The following UBASH3A variants were observed in gnomAD, a reference collection of about 807,000 sequenced individuals.
UBASH3A encodes the protein ubiquitin-associated and SH3 domain-containing protein A.
UBASH3A carries 63 observed loss-of-function variants against 73.5 expected under a neutral mutation model. The ratio of observed to expected loss-of-function variants is 0.86; its 90% confidence interval spans 0.70 to 1.06. The LOEUF (loss-of-function observed/expected upper bound fraction) is 1.06, where lower values mean the gene tolerates loss of function less well. UBASH3A is among the 50% of genes least tolerant of loss of function. The probability of loss-of-function intolerance (pLI) is 0.00; values close to 1 mark genes in which losing one functional copy is unlikely to be tolerated. For synonymous variants in UBASH3A, 363 were observed against 351.1 expected (o/e 1.03, Z -0.38); for missense variants, 860 against 859.0 (o/e 1.00, Z -0.02).
At chr21:42,418,687 G>A in intron 7 of UBASH3A, 78 bp downstream of exon 7, 1 of 1,347,750 alleles carries the variant, frequency 7.4e-7, no homozygotes. Flanking sequence ...CCAACAGTGT[G>A]CTTCTAGACC....
At chr21:42,439,882 C>G (rs141361478) in intron 11 of UBASH3A, among the ~76,000 whole-genome samples, 1 of 142,934 alleles carries the variant, frequency 7.0e-6, no homozygotes, top group Admixed American at 7.0e-5. Context: ...ATACAACACG[C>G]TGAACACACA....
chr21:42,445,161 C>T (rs1446577426), intron 14 of UBASH3A, among the ~76,000 whole-genome samples: 3 of 152,342 alleles, frequency 2.0e-5, no homozygotes, highest in Admixed American at 2.0e-4. Context: ...GCACACGTGA[C>T]ATCTTGGACA....
At chr21:42,415,906 G>A in intron 5 of UBASH3A, among the ~76,000 whole-genome samples, 1 of 152,180 alleles carries the variant, frequency 6.6e-6, no homozygotes, top group East Asian at 1.9e-4. Context: ...TGACCTGAGA[G>A]CCCCTGGCAG....
rs1396357230 is a variant in UBASH3A, at chr21:42,442,458, A to T, written c.1493A>T (p.Lys498Ile). ...QTAKLILEELKLEKKIKIRVE... is the reference protein window; with the variant it reads ...QTAKLILEELILEKKIKIRVE... ...TGTATTCTGTTGAATCCAGAACTCAAACTGGAGAAAAAAATCAAGATACGA... is the reference window on the plus strand; with the variant it reads ...TGTATTCTGTTGAATCCAGAACTCATACTGGAGAAAAAAATCAAGATACGA... The change falls in exon 12 of 15, where the codon AAA becomes ATA. Residue 498 changes from lysine (K) to isoleucine (I), a missense_variant. Physicochemically the swap from Lys to Ile is moderately radical, Grantham distance 102. Coordinates refer to ENST00000319294, the MANE Select transcript of UBASH3A (RefSeq NM_018961.4). The T allele has an allele frequency of 1.2e-6, 2 of 1,613,784 alleles. No homozygotes were observed. Among genetic ancestry groups the T allele is most frequent in the Non-Finnish European group, 1.7e-6 (2 of 1,179,916 alleles).
At chr21:42,426,203 AC>A (rs2053431919) in intron 7 of UBASH3A, among the ~76,000 whole-genome samples, 1 of 152,042 alleles carries the variant, frequency 6.6e-6, no homozygotes, top group Non-Finnish European at 1.5e-5. Context: ...GTTGGATGAG[AC>A]CCACTCACAG....
In UBASH3A at chr21:42,409,536, G is replaced by C. The variant is rs535294130; in HGVS notation, c.282G>C (p.Glu94Asp). 10 of 1,614,154 alleles carry C rather than the reference G, an allele frequency of 6.2e-6. No individual in the cohort carries two copies. Among genetic ancestry groups the C allele is most frequent in the Middle Eastern group, 1.6e-4 (1 of 6,062 alleles). The change falls in exon 3 of 15, where the codon GAG becomes GAC. Residue 94 changes from glutamate to aspartate, a missense_variant. Glu to Asp is a conservative substitution (Grantham distance 45). Transcript: ENST00000319294. ...LLEKLQEFWRESKRQCAKNRA... is the reference protein window; with the variant it reads ...LLEKLQEFWRDSKRQCAKNRA... ...AAAAACTTCAAGAGTTCTGGAGAGA[G>C]AGCAAGCGCCAGTGTGCAAAGAACA...
chr21:42,415,453 C>T, intron 5 of UBASH3A, among the ~76,000 whole-genome samples: 1 of 152,202 alleles, frequency 6.6e-6, no homozygotes, highest in Admixed American at 6.5e-5. Flanking sequence ...GCTCACCTCT[C>T]ACGTGGGAGA....
Position 42,416,569 on chromosome 21 carries a change from C to A in UBASH3A, c.795C>A (p.Thr265=). ...CCCTGGGCCACAGCTGCCAGTGGAC[C>A]GCAGCACTCTACTCCCGAGACATGC... ...AIPLGHSCQW[T]AALYSRDMRF... The change falls in exon 6 of 15, where the codon ACC becomes ACA. Residue 265 remains threonine (T), a synonymous_variant. Coordinates refer to ENST00000319294, the MANE Select transcript of UBASH3A (RefSeq NM_018961.4). The A allele has an allele frequency of 1.2e-6, 2 of 1,608,040 alleles. No homozygotes were observed. The highest frequency in any genetic ancestry group is 1.7e-6 in the Non-Finnish European group (2 of 1,177,490).
intron 9 of UBASH3A, 36 bp downstream of exon 9, chr21:42,432,238 A>G (rs2053545054): frequency 7.2e-7 from 1 of 1,395,968 alleles, no homozygotes; most frequent in East Asian, 2.3e-5. Flanking sequence ...GGACAGAAAC[A>G]CTGTAGATCT....
At chr21:42,420,700 C>T (rs2053321184) in intron 7 of UBASH3A, among the ~76,000 whole-genome samples, 1 of 152,116 alleles carries the variant, frequency 6.6e-6, no homozygotes, top group Admixed American at 6.5e-5. Flanking sequence ...GAAGGACCAC[C>T]CGGGTGATGG....
chr21:42,445,785 A>ACATTTC (rs1601609931), intron 14 of UBASH3A, among the ~76,000 whole-genome samples: 1 of 152,234 alleles, frequency 6.6e-6, no homozygotes, highest in East Asian at 1.9e-4. Context: ...TATGATCCAG[A>ACATTTC]CATTTCCGAG....
chr21:42,426,805 C>G lies in UBASH3A; in HGVS notation c.1155C>G (p.Ser385Arg). ...FLPQTARSLS[S>R]LQALQATVAR... Reference sequence around the variant, plus strand: ...CACAAACGGCAAGGAGTCTTAGCAGCTTACAGGCCTTGCAGGTAATAGAAC... The same window carrying G: ...CACAAACGGCAAGGAGTCTTAGCAGGTTACAGGCCTTGCAGGTAATAGAAC... Residue 385 changes from serine (S) to arginine (R), a missense_variant, in exon 8 of 15, where the codon AGC becomes AGG. Physicochemically the swap from Ser to Arg is moderately radical, Grantham distance 110 (BLOSUM62 -1). Transcript: ENST00000319294. 6.2e-7 allele frequency: 1 copy of G among 1,614,026 alleles called. No homozygotes were observed. Among genetic ancestry groups the G allele is most frequent in the South Asian group, 1.1e-5 (1 of 91,060 alleles).
intron 8 of UBASH3A, among the ~76,000 whole-genome samples, chr21:42,427,746 G>A (rs575119864): frequency 6.6e-6 from 1 of 152,278 alleles, no homozygotes; most frequent in South Asian, 2.1e-4. Context: ...TGCCCAGAGG[G>A]TGGGGTCACA....
At chr21:42,422,095 A>G (rs560119664) in intron 7 of UBASH3A, among the ~76,000 whole-genome samples, 1 of 152,188 alleles carries the variant, frequency 6.6e-6, no homozygotes. Flanking sequence ...CCCACTAAAC[A>G]TAATAGCCAC....
chr21:42,423,411 A>G (rs1316169325), intron 7 of UBASH3A, among the ~76,000 whole-genome samples: 1 of 152,210 alleles, frequency 6.6e-6, no homozygotes, highest in African/African-American at 2.4e-5. Flanking sequence ...ACGTTGTACA[A>G]TCAAGGAAGC....
At chr21:42,415,059 G>A (rs553315490) in intron 5 of UBASH3A, among the ~76,000 whole-genome samples, 1 of 152,326 alleles carries the variant, frequency 6.6e-6, no homozygotes, top group South Asian at 2.1e-4. Flanking sequence ...TCAGTGATGA[G>A]TGACCAGTCA....
intron 11 of UBASH3A, among the ~76,000 whole-genome samples, chr21:42,438,494 A>C (rs1171674506): frequency 6.6e-6 from 1 of 152,148 alleles, no homozygotes; most frequent in Non-Finnish European, 1.5e-5. Context: ...GCATGAGTTT[A>C]AATGGAGATG....
intron 11 of UBASH3A, among the ~76,000 whole-genome samples, chr21:42,438,514 G>A (rs1051461936): frequency 2.0e-5 from 3 of 152,264 alleles, no homozygotes; most frequent in East Asian, 3.9e-4. Flanking sequence ...GCATCAGCCG[G>A]GCTAGGGGGT....
At position 42,413,566 on chromosome 21, in the gene UBASH3A, T is replaced by C; in HGVS notation, c.667+43T>C. The C allele has an allele frequency of 2.1e-6, 3 of 1,428,652 alleles. No homozygotes were observed. The highest frequency in any genetic ancestry group is 2.9e-6 in the Non-Finnish European group (3 of 1,019,394). The allele number at this position is 1,428,652 out of a possible 1,614,324, so 88.5% of individuals were successfully genotyped here. ...TTCCGGACCAGCTTTGGTCTTCTCT[T>C]TAGGCGGGAATAGCCTTGTTCTCAT... On this transcript the variant is annotated intron_variant, in intron 5 of 14. Transcript: ENST00000319294. The surrounding 1 kb of genome is among the most constrained non-coding windows in gnomAD (Gnocchi z 4.5).
Sources: allele counts gnomAD v4.1 joint callset (sites outside exome capture counted in the v4.1 genomes callset), GRCh38; gene constraint gnomAD v4.1.1; non-coding constraint Gnocchi (gnomAD v3.1); transcripts MANE v1.5; gene names NCBI Gene and HGNC (gene_info 2026-07-23, HGNC 2026-07-21).